TBPL1: variants seen among roughly 807,000 people sequenced by gnomAD.
TBPL1 encodes TATA-box binding protein like 1, also known as TATA box-binding protein-like 1.
TBPL1 carries 4 observed loss-of-function variants against 22.1 expected under a neutral mutation model. The observed-to-expected ratio is 0.18, with a 90% CI of 0.09 to 0.41. The LOEUF (loss-of-function observed/expected upper bound fraction) is 0.41. Ranked by LOEUF, TBPL1 falls within the 10% of genes least tolerant of loss-of-function variation. TBPL1 has a pLI of 1.00. For synonymous variants in TBPL1, 64 were observed against 71.0 expected (o/e 0.90, Z 0.50); for missense variants, 115 against 222.3 (o/e 0.52, Z 3.07).
At chr6:133,977,596 G>A (rs1007733675) in intron 1 of TBPL1, among the ~76,000 whole-genome samples, 8 of 152,132 alleles carry the variant, frequency 5.3e-5, no homozygotes, top group African/African-American at 1.4e-4. Context: ...TAGTTGATTC[G>A]CATGAAGTTT....
intron 1 of TBPL1, among the ~76,000 whole-genome samples, chr6:133,961,961 A>G (rs570813461): frequency 6.6e-6 from 1 of 152,166 alleles, no homozygotes; most frequent in South Asian, 2.1e-4. Flanking sequence ...TTTTGTTCTG[A>G]GCTGTATTCC....
chr6:133,966,004 G>A (rs1776111431), intron 1 of TBPL1, among the ~76,000 whole-genome samples: 2 of 152,182 alleles, frequency 1.3e-5, no homozygotes. Flanking sequence ...ACAGTCATAT[G>A]GCTAATAAGT....
intron 4 of TBPL1, among the ~76,000 whole-genome samples, chr6:133,983,693 C>G (rs752951797): frequency 1.3e-5 from 2 of 152,124 alleles, no homozygotes; most frequent in Non-Finnish European, 2.9e-5. Context: ...ATAGTTCGCT[C>G]ACCCAAAATT....
chr6:133,966,861 A>C (rs1776128614), intron 1 of TBPL1, among the ~76,000 whole-genome samples: 1 of 152,118 alleles, frequency 6.6e-6, no homozygotes, highest in Non-Finnish European at 1.5e-5. Context: ...TCTTGCCTGG[A>C]CTGCTGTGCT....
At chr6:133,966,292 A>G (rs988313441) in intron 1 of TBPL1, among the ~76,000 whole-genome samples, 1 of 152,152 alleles carries the variant, frequency 6.6e-6, no homozygotes, top group African/African-American at 2.4e-5. Context: ...TACCAAGGAG[A>G]CTATAAATAG....
chr6:133,977,481 A>G lies in TBPL1; in HGVS notation c.-44-2601A>G, dbSNP rs1776335141. 1.3e-5 allele frequency among the ~76,000 whole-genome samples: 2 copies of G among 152,180 alleles called. 1 individual carries two copies. Among genetic ancestry groups the G allele is most frequent in the South Asian group, 4.1e-4 (2 of 4,828 alleles). On this transcript the variant is annotated intron_variant, in intron 1 of 6. Transcript: ENST00000237264. The stretch of plus-strand genomic sequence containing the variant: ...TCCTTAGTGTTGTCCCCTCAGGCAG[A>G]ACTCAAAGTAGTAAATTCAGAGTAG...
chr6:133,980,962 A>ATTTTTTTT (rs10713725), intron 2 of TBPL1, among the ~76,000 whole-genome samples: 9 of 97,118 alleles, frequency 9.3e-5, no homozygotes, highest in East Asian at 2.5e-4. Context: ...TAATTAATTA[A>ATTTTTTTT]TTTTTTTTTT....
At chr6:133,959,640 C>A (rs1180400361) in intron 1 of TBPL1, among the ~76,000 whole-genome samples, 1 of 152,104 alleles carries the variant, frequency 6.6e-6, no homozygotes, top group East Asian at 1.9e-4. Flanking sequence ...CACCACCACA[C>A]CTGGCCATTT....
chr6:133,974,680 C>T (rs1328291707), intron 1 of TBPL1, among the ~76,000 whole-genome samples: 2 of 152,206 alleles, frequency 1.3e-5, no homozygotes, highest in African/African-American at 4.8e-5. Context: ...CATATATTTA[C>T]ATTTTAAATT....
chr6:133,954,535 TACATC>T, intron 1 of TBPL1, among the ~76,000 whole-genome samples: 1 of 152,256 alleles, frequency 6.6e-6, no homozygotes, highest in East Asian at 1.9e-4. Flanking sequence ...TCTTTAGTCT[TACATC>T]ACAAGCTGCT....
Position 133,967,741 on chromosome 6 carries a change from A to G in TBPL1, c.-44-12341A>G, listed in dbSNP as rs546620713. 2.0e-5 allele frequency among the ~76,000 whole-genome samples: 3 copies of G among 152,352 alleles called. No homozygotes were observed. In the South Asian group the frequency reaches 6.2e-4, roughly 32 times the overall value. ...TAATATTATGGACCCCTGGACCAAA[A>G]CATTGTTAGGCAGCACATGACTGTG... On this transcript the variant is annotated intron_variant, in intron 1 of 6. Coordinates refer to ENST00000237264, the MANE Select transcript of TBPL1 (RefSeq NM_004865.4).
intron 1 of TBPL1, among the ~76,000 whole-genome samples, chr6:133,963,934 G>A (rs1259949690): frequency 2.0e-5 from 3 of 151,774 alleles, no homozygotes; most frequent in South Asian, 2.1e-4. Flanking sequence ...GCAGCTACTC[G>A]GGAGGCTGAG....
At chr6:133,976,542 A>C (rs562713398) in intron 1 of TBPL1, among the ~76,000 whole-genome samples, 135 of 152,222 alleles carry the variant, frequency 8.9e-4, no homozygotes, top group African/African-American at 3.1e-3. Flanking sequence ...TCTTGTTTTA[A>C]TTTAAACAAA....
intron 4 of TBPL1, among the ~76,000 whole-genome samples, chr6:133,984,103 A>G (rs1776465323): frequency 6.6e-6 from 1 of 152,164 alleles, no homozygotes; most frequent in Admixed American, 6.5e-5. Flanking sequence ...TATTTCACTT[A>G]AAGTATTAAA....
intron 1 of TBPL1, among the ~76,000 whole-genome samples, chr6:133,973,306 T>A (rs938932429): frequency 6.6e-6 from 1 of 152,182 alleles, no homozygotes; most frequent in Non-Finnish European, 1.5e-5. Flanking sequence ...ATTTCTTAGA[T>A]CATAGATGGT....
At chr6:133,975,873 G>T (rs1027951749) in intron 1 of TBPL1, among the ~76,000 whole-genome samples, 5 of 152,114 alleles carry the variant, frequency 3.3e-5, no homozygotes, top group South Asian at 2.1e-4. Context: ...TGAATGATAG[G>T]TACGTAGATG....
At chr6:133,965,671 A>G (rs906264650) in intron 1 of TBPL1, among the ~76,000 whole-genome samples, 8 of 151,928 alleles carry the variant, frequency 5.3e-5, no homozygotes, top group African/African-American at 1.9e-4. Flanking sequence ...TTCACTTAAC[A>G]GATACATCAA....
upstream of TBPL1, chr6:133,952,224 G>A (rs1369152234): frequency 6.6e-6 from 1 of 152,248 alleles, no homozygotes; most frequent in East Asian, 1.9e-4. The surrounding 1 kb of genome is among the most constrained non-coding windows in gnomAD (Gnocchi z 4.5). Flanking sequence ...CACTCCCGAG[G>A]GACCCCGAGG....
rs371353055 is a variant in TBPL1, at chr6:133,980,094, G to A, written c.-32G>A. Reference sequence around the variant, plus strand: ...TTTTATTTCTCAGGATGTGATCTTCGTGGTGGAAAGCTAAATTTTAAAACC... The same window carrying A: ...TTTTATTTCTCAGGATGTGATCTTCATGGTGGAAAGCTAAATTTTAAAACC... On this transcript the variant is annotated 5_prime_UTR_variant, in exon 2 of 7. The change creates a new upstream start codon in the 5' untranslated region. Coordinates refer to ENST00000237264, the MANE Select transcript of TBPL1 (RefSeq NM_004865.4). The A allele has an allele frequency of 4.1e-5, 59 of 1,452,538 alleles. No homozygotes were observed. In the Middle Eastern group the frequency reaches 9.2e-4, roughly 23 times the overall value. The allele number at this position is 1,452,538 out of a possible 1,614,324, so 90.0% of individuals were successfully genotyped here.
Sources: allele counts gnomAD v4.1 joint callset (sites outside exome capture counted in the v4.1 genomes callset), GRCh38; gene constraint gnomAD v4.1.1; non-coding constraint Gnocchi (gnomAD v3.1); transcripts MANE v1.5; gene names NCBI Gene and HGNC (gene_info 2026-07-23, HGNC 2026-07-21).